Variants in GALNT13 observed in about 807,000 individuals in gnomAD.
The protein encoded by GALNT13 is UDP-GalNAc:polypeptide N-acetylgalactosaminyltransferase 13.
A neutral mutation model predicts 64.2 loss-of-function variants in GALNT13; 28 were observed. The ratio of observed to expected loss-of-function variants is 0.44; its 90% confidence interval spans 0.32 to 0.60. GALNT13 has a LOEUF of 0.60. GALNT13 is among the 20% of genes least tolerant of loss of function. GALNT13 has a pLI of 0.05. For synonymous variants in GALNT13, 214 were observed against 224.6 expected (o/e 0.95, Z 0.42); for missense variants, 577 against 669.8 (o/e 0.86, Z 1.53).
intron 3 of GALNT13, among the ~76,000 whole-genome samples, chr2:154,099,838 G>A (rs546581180): frequency 6.6e-6 from 1 of 152,202 alleles, no homozygotes; most frequent in Admixed American, 6.5e-5. Flanking sequence ...TGCAAGGGGA[G>A]CTGAGACTAG....
chr2:153,740,455 T>A, the GALNT13 span, among the ~76,000 whole-genome samples: 3 of 152,128 alleles, frequency 2.0e-5, no homozygotes, highest in African/African-American at 7.2e-5. Context: ...AAATTCTTAC[T>A]TTTTCATTAA....
the GALNT13 span, among the ~76,000 whole-genome samples, chr2:153,539,088 C>T: frequency 0.076 from 9,443 of 123,678 alleles, 787 homozygotes; most frequent in East Asian, 0.33. Context: ...GCCATTCTAA[C>T]TGGTGTGAGA....
At chr2:153,124,668 G>T in the GALNT13 span, among the ~76,000 whole-genome samples, 2 of 152,126 alleles carry the variant, frequency 1.3e-5, no homozygotes, top group Non-Finnish European at 2.9e-5. Context: ...ACCATGCCCA[G>T]CTAGTTTTTG....
At chr2:154,445,330 T>G (rs1701512112) in intron 12 of GALNT13, among the ~76,000 whole-genome samples, 1 of 151,994 alleles carries the variant, frequency 6.6e-6, no homozygotes, top group African/African-American at 2.4e-5. Flanking sequence ...ATCATTTTGT[T>G]TTTGTTTTAT....
At chr2:153,250,375 A>G in the GALNT13 span, among the ~76,000 whole-genome samples, 19,761 of 152,258 alleles carry the variant, frequency 0.13, 1,647 homozygotes, top group Non-Finnish European at 0.18. Flanking sequence ...TTAAATGTCA[A>G]GAAACAACAG....
At chr2:153,440,605 A>G in the GALNT13 span, among the ~76,000 whole-genome samples, 2 of 152,156 alleles carry the variant, frequency 1.3e-5, no homozygotes, top group African/African-American at 4.8e-5. Context: ...CATCCTCTCC[A>G]GCATCTGTTT....
intron 9 of GALNT13, among the ~76,000 whole-genome samples, chr2:154,382,169 G>A (rs935728466): frequency 6.6e-6 from 1 of 151,946 alleles, no homozygotes; most frequent in African/African-American, 2.4e-5. Context: ...CCCCTCTATG[G>A]ACACAGAGGG....
intron 3 of GALNT13, among the ~76,000 whole-genome samples, chr2:154,121,069 CCT>C (rs1681914228): frequency 6.6e-6 from 1 of 152,136 alleles, no homozygotes; most frequent in Non-Finnish European, 1.5e-5. Flanking sequence ...TCAGGAAAAT[CCT>C]CTCTGTCTGG....
the GALNT13 span, among the ~76,000 whole-genome samples, chr2:153,161,367 C>A: frequency 6.6e-6 from 1 of 152,144 alleles, no homozygotes; most frequent in Non-Finnish European, 1.5e-5. Flanking sequence ...GTGAAAGAAA[C>A]AGACAAAAAC....
intron 3 of GALNT13, among the ~76,000 whole-genome samples, chr2:154,095,599 C>A (rs1702035286): frequency 6.6e-6 from 1 of 151,846 alleles, no homozygotes; most frequent in East Asian, 1.9e-4. Context: ...GGTTTCCCTA[C>A]AGAAGAGAAA....
intron 9 of GALNT13, among the ~76,000 whole-genome samples, chr2:154,310,788 C>T (rs1257519729): frequency 6.6e-6 from 1 of 152,044 alleles, no homozygotes; most frequent in Admixed American, 6.6e-5. Flanking sequence ...CTCTCTTTAC[C>T]TAATCTCTGC....
the GALNT13 span, among the ~76,000 whole-genome samples, chr2:153,439,679 T>G: frequency 6.6e-6 from 1 of 152,278 alleles, no homozygotes; most frequent in East Asian, 1.9e-4. Context: ...AGCATAGTAT[T>G]AGGGTGGGAG....
intron 1 of GALNT13, among the ~76,000 whole-genome samples, chr2:153,894,992 CTGAA>C (rs1345805968): frequency 6.6e-6 from 1 of 151,956 alleles, no homozygotes; most frequent in Non-Finnish European, 1.5e-5. Context: ...GGGACTTGTA[CTGAA>C]TAATATTTGT....
the GALNT13 span, among the ~76,000 whole-genome samples, chr2:153,076,798 T>C: frequency 0.097 from 14,709 of 152,138 alleles, 796 homozygotes; most frequent in Middle Eastern, 0.12. Flanking sequence ...CTTGTGTGTC[T>C]TTTTAAACAT....
intron 3 of GALNT13, among the ~76,000 whole-genome samples, chr2:153,952,576 C>T (rs1015427076): frequency 1.3e-5 from 2 of 152,028 alleles, no homozygotes; most frequent in African/African-American, 4.8e-5. Flanking sequence ...GGTTTCTTAT[C>T]ATCACAGAGG....
the GALNT13 span, among the ~76,000 whole-genome samples, chr2:153,208,634 G>A: frequency 6.6e-6 from 1 of 152,150 alleles, no homozygotes; most frequent in Non-Finnish European, 1.5e-5. Flanking sequence ...CTTTGTGTAG[G>A]CATTCATTTT....
At chr2:154,074,149 T>C (rs1232025139) in intron 3 of GALNT13, among the ~76,000 whole-genome samples, 1 of 151,920 alleles carries the variant, frequency 6.6e-6, no homozygotes. Context: ...TTATAGGCCT[T>C]AATCATTTTT....
At chr2:154,040,212 G>A (rs1007359234) in intron 3 of GALNT13, among the ~76,000 whole-genome samples, 1 of 140,146 alleles carries the variant, frequency 7.1e-6, no homozygotes, top group African/African-American at 2.5e-5. Flanking sequence ...TGTGTATTTT[G>A]GAGGATAGGG....
the GALNT13 span, among the ~76,000 whole-genome samples, chr2:153,509,382 C>A: frequency 1.3e-3 from 199 of 152,340 alleles, 1 homozygote; most frequent in African/African-American, 4.5e-3. Flanking sequence ...GCGGAGCCTC[C>A]CCTGCTGCAG....
Sources: gnomAD v4.1 joint callset for allele counts (sites outside exome capture counted in the v4.1 genomes callset) on GRCh38, gnomAD v4.1.1 for gene constraint, MANE v1.5 for transcripts, NCBI Gene and HGNC (gene_info 2026-07-23, HGNC 2026-07-21) for gene names.